The following CTNNA1 variants were observed in gnomAD, a reference collection of about 807,000 sequenced individuals.
CTNNA1 encodes catenin alpha-1.
Under a neutral mutation model 98.4 loss-of-function variants are expected in CTNNA1, and 37 were observed. That is an observed-to-expected ratio of 0.38 (90% CI 0.29 to 0.49). CTNNA1 has a LOEUF of 0.49. Among genes scored for constraint, CTNNA1 ranks in the 20% least tolerant of loss-of-function variants. The pLI is 0.95. For synonymous variants in CTNNA1, 404 were observed against 413.2 expected (o/e 0.98, Z 0.27); for missense variants, 761 against 1,147.2 (o/e 0.66, Z 4.86).
At position 138,873,227 on chromosome 5, in the gene CTNNA1, C is replaced by T. The variant is rs1750858121; in HGVS notation, c.1063-12985C>T. ...TCTTAAAGTGGGAGGGCAGCACTTC[C>T]TGGAGATGAACACTATAAAAATAAT... On this transcript the variant is annotated intron_variant, in intron 7 of 17. Transcript: ENST00000302763. This position sits in a 1 kb window ranked among gnomAD's most constrained non-coding sequence, Gnocchi z 6.1. 1 of 1,613,812 alleles carries T rather than the reference C, an allele frequency of 6.2e-7. No individual in the cohort carries two copies. The highest frequency in any genetic ancestry group is 8.5e-7 in the Non-Finnish European group (1 of 1,179,796).
chr5:138,755,511 T>G (rs1188129167), intron 1 of CTNNA1, among the ~76,000 whole-genome samples: 2 of 152,176 alleles, frequency 1.3e-5, no homozygotes, highest in East Asian at 3.9e-4. Context: ...AGTATCTTTG[T>G]CCTCCACACC....
chr5:138,893,357 GTCA>G (rs1319315050), intron 9 of CTNNA1, among the ~76,000 whole-genome samples: 23 of 152,108 alleles, frequency 1.5e-4, no homozygotes, highest in East Asian at 1.2e-3. Context: ...GCTGCTCAGT[GTCA>G]TCATGTTCGT....
At position 138,857,696 on chromosome 5, in the gene CTNNA1, A is replaced by G. The variant is rs143908712; in HGVS notation, c.1063-28516A>G. ...GTATTTAACCATCAAAGCATGAAGC[A>G]TGGTACTGTTAATGCATAAAGGTTA... On this transcript the variant is annotated intron_variant, in intron 7 of 17. Coordinates refer to ENST00000302763, the MANE Select transcript of CTNNA1 (RefSeq NM_001903.5). Among the ~76,000 whole-genome samples the G allele has an allele frequency of 5.9e-5, 9 of 152,334 alleles. No individual in the cohort carries two copies. In the East Asian group the frequency reaches 1.7e-3, roughly 29 times the overall value.
intron 9 of CTNNA1, among the ~76,000 whole-genome samples, chr5:138,897,687 A>AT (rs1217538520): frequency 6.6e-6 from 1 of 152,092 alleles, no homozygotes; most frequent in Non-Finnish European, 1.5e-5. Context: ...TACTAGCTTG[A>AT]TTTTTCTCAC....
chr5:138,762,840 T>C (rs1309751319), intron 1 of CTNNA1, among the ~76,000 whole-genome samples: 2 of 152,158 alleles, frequency 1.3e-5, no homozygotes, highest in Non-Finnish European at 2.9e-5. Context: ...TGGAACTATA[T>C]TGTGGAAGCT....
At chr5:138,857,361 A>G (rs1402839251) in intron 7 of CTNNA1, among the ~76,000 whole-genome samples, 3 of 152,166 alleles carry the variant, frequency 2.0e-5, no homozygotes, top group Non-Finnish European at 4.4e-5. Context: ...TAACTTCACT[A>G]TTAATGGGCA....
chr5:138,764,708 T>C (rs1472274311), intron 1 of CTNNA1, among the ~76,000 whole-genome samples: 1 of 151,732 alleles, frequency 6.6e-6, no homozygotes, highest in Non-Finnish European at 1.5e-5. Flanking sequence ...TGACCTCAGG[T>C]GATCCGCCCA....
intron 13 of CTNNA1, among the ~76,000 whole-genome samples, chr5:138,928,177 C>A (rs1403410505): frequency 6.6e-6 from 1 of 152,222 alleles, no homozygotes; most frequent in Non-Finnish European, 1.5e-5. Flanking sequence ...GGCCAGCCGG[C>A]TGGGCTGAGC....
chr5:138,886,377 AT>A, intron 8 of CTNNA1, 85 bp downstream of exon 8: 7 of 1,352,886 alleles, frequency 5.2e-6, no homozygotes, highest in Admixed American at 2.4e-5. Flanking sequence ...CTGGCCTTAT[AT>A]TTTTTTATTG....
At chr5:138,909,664 C>T (rs1402611972) in intron 10 of CTNNA1, among the ~76,000 whole-genome samples, 2 of 152,166 alleles carry the variant, frequency 1.3e-5, no homozygotes, top group African/African-American at 2.4e-5. Flanking sequence ...GTATTTCTCA[C>T]TCACTAAATT....
chr5:138,932,590 G>A lies in CTNNA1; in HGVS notation c.2311G>A (p.Ala771Thr), dbSNP rs2150349085. ...GCTCTCTCTTCAGTGCCCCGACTCGGCTTGCAAGCAGGACCTGCTGGCCTA... is the reference window on the plus strand; with the variant it reads ...GCTCTCTCTTCAGTGCCCCGACTCGACTTGCAAGCAGGACCTGCTGGCCTA... ...RTIADHCPDS[A>T]CKQDLLAYLQ... is the part of the protein sequence containing the mutation. Residue 771 changes from alanine to threonine, a missense_variant, in exon 17 of 18, where the codon GCT becomes ACT. Ala to Thr is a moderately conservative substitution (Grantham distance 58). Transcript: ENST00000302763. The A allele has an allele frequency of 1.2e-6, 2 of 1,614,172 alleles. No homozygotes were observed. Among genetic ancestry groups the A allele is most frequent in the Non-Finnish European group, 1.7e-6 (2 of 1,180,020 alleles).
chr5:138,766,109 G>A (rs546284330), intron 1 of CTNNA1, among the ~76,000 whole-genome samples: 5 of 152,048 alleles, frequency 3.3e-5, no homozygotes, highest in Admixed American at 2.0e-4. Context: ...CAAAAAACTC[G>A]AAAGAGCTCT....
chr5:138,922,793 G>A (rs910668314), intron 11 of CTNNA1, among the ~76,000 whole-genome samples: 1 of 152,124 alleles, frequency 6.6e-6, no homozygotes, highest in African/African-American at 2.4e-5. Context: ...AGAGACAAGT[G>A]TTTCATGAGG....
At chr5:138,855,093 C>T (rs1394944359) in intron 7 of CTNNA1, among the ~76,000 whole-genome samples, 2 of 152,226 alleles carry the variant, frequency 1.3e-5, no homozygotes, top group African/African-American at 4.8e-5. Context: ...GGCTGGCGTG[C>T]AGTAGCGCGA....
intron 7 of CTNNA1, among the ~76,000 whole-genome samples, chr5:138,839,466 G>T (rs887348941): frequency 4.6e-5 from 7 of 152,136 alleles, no homozygotes; most frequent in Non-Finnish European, 1.0e-4. Flanking sequence ...CTCCCAAAGT[G>T]CTGGGATTAC....
intron 17 of CTNNA1, chr5:138,932,966 T>A (rs936769691): frequency 2.6e-6 from 2 of 768,396 alleles, no homozygotes; most frequent in Non-Finnish European, 2.4e-6. Flanking sequence ...TGGGTAGGAA[T>A]TTTTAAAAAT....
At chr5:138,763,590 C>T (rs1366038887) in intron 1 of CTNNA1, among the ~76,000 whole-genome samples, 2 of 152,160 alleles carry the variant, frequency 1.3e-5, no homozygotes, top group Non-Finnish European at 2.9e-5. Flanking sequence ...GCGATCTGCC[C>T]ACCTTGGCCT....
At position 138,902,630 on chromosome 5, in the gene CTNNA1, A is replaced by G. The variant is rs181534670; in HGVS notation, c.1297-1719A>G. ...GAGACGGGGTTTCACCGTGTTAGCC[A>G]GGATGGTCTCGATCTCCTGACCTCA... On this transcript the variant is annotated intron_variant, in intron 9 of 17. Coordinates refer to ENST00000302763, the MANE Select transcript of CTNNA1 (RefSeq NM_001903.5). Among the ~76,000 whole-genome samples, 129 of 152,316 alleles carry G rather than the reference A, an allele frequency of 8.5e-4. 1 individual carries two copies. Among genetic ancestry groups the G allele is most frequent in the African/African-American group, 3.0e-3 (123 of 41,576 alleles).
chr5:138,852,279 G>A (rs1289629947), intron 7 of CTNNA1, among the ~76,000 whole-genome samples: 1 of 152,112 alleles, frequency 6.6e-6, no homozygotes, highest in African/African-American at 2.4e-5. Context: ...CTGTGAGGCT[G>A]TGGGCTAATA....
Sources: gnomAD v4.1 joint callset for allele counts (sites outside exome capture counted in the v4.1 genomes callset) on GRCh38, gnomAD v4.1.1 for gene constraint, Gnocchi (gnomAD v3.1) non-coding constraint, MANE v1.5 for transcripts, NCBI Gene and HGNC (gene_info 2026-07-23, HGNC 2026-07-21) for gene names.